LIMD1: variants seen among roughly 807,000 people sequenced by gnomAD.
The protein encoded by LIMD1 is LIM domain containing 1, also known as LIM domain-containing protein 1.
A neutral mutation model predicts 58.4 loss-of-function variants in LIMD1; 23 were observed. The ratio of observed to expected loss-of-function variants is 0.39; its 90% confidence interval spans 0.28 to 0.56. The LOEUF (loss-of-function observed/expected upper bound fraction) is 0.56. LIMD1 is among the 20% of genes least tolerant of loss of function. The pLI, the probability that LIMD1 is intolerant of heterozygous loss-of-function variation, is 0.57. For synonymous variants in LIMD1, 334 were observed against 345.5 expected, an observed-to-expected ratio of 0.97 and a Z score of 0.37; for missense variants, 838 against 855.5, an observed-to-expected ratio of 0.98 and a Z score of 0.25.
chr3:45,614,768 G>T (rs375132218), intron 1 of LIMD1, among the ~76,000 whole-genome samples: 13 of 137,516 alleles, frequency 9.5e-5, no homozygotes, highest in East Asian at 4.1e-4. Flanking sequence ...ATTCCTGGGT[G>T]TTTTTTTTTT....
rs920546841 is a variant in LIMD1, at chr3:45,683,897, G to A, written c.*6838G>A. ...TCCACCGGTAACAGGAGGAGCATTA[G>A]TCAGCCTACCACAGACTCCAACGAA... On this transcript the variant is annotated 3_prime_UTR_variant, in exon 8 of 8. Coordinates refer to ENST00000273317, the MANE Select transcript of LIMD1 (RefSeq NM_014240.3). 1 of 152,184 alleles carries A rather than the reference G, an allele frequency of 6.6e-6. No homozygotes were observed. The highest frequency in any genetic ancestry group is 2.4e-5 in the African/African-American group (1 of 41,458). 9.4% of individuals were successfully genotyped at this position (152,184 alleles called of 1,614,324 possible). A position where few individuals can be genotyped will look rare whatever the true frequency, so the allele number is the denominator to read the frequency against.
rs1244908814 is a variant in LIMD1, at chr3:45,594,912, C to T, written c.33C>T (p.Ala11=). ...AGTATGACGACCTGGGCCTGGAGGC[C>T]AGTAAATTCATCGAGGACCTGAACA... MDKYDDLGLE[A]SKFIEDLNMY... Residue 11 remains alanine, a synonymous_variant, in exon 1 of 8, where the codon GCC becomes GCT. Transcript: ENST00000273317. The T allele has an allele frequency of 2.4e-5, 38 of 1,611,890 alleles. No individual in the cohort carries two copies. Among genetic ancestry groups the T allele is most frequent in the Non-Finnish European group, 3.1e-5 (37 of 1,179,644 alleles).
At chr3:45,615,211 G>C (rs1349477814) in intron 1 of LIMD1, among the ~76,000 whole-genome samples, 1 of 152,218 alleles carries the variant, frequency 6.6e-6, no homozygotes, top group Non-Finnish European at 1.5e-5. Flanking sequence ...TTGTGGGAAA[G>C]TAACCAAATT....
chr3:45,630,532 C>A (rs1388881292), intron 1 of LIMD1, among the ~76,000 whole-genome samples: 4 of 152,138 alleles, frequency 2.6e-5, no homozygotes, highest in Non-Finnish European at 5.9e-5. Flanking sequence ...GGGTTGCCCC[C>A]CAGGGAGAGG....
chr3:45,619,945 C>T (rs116303589), intron 1 of LIMD1, among the ~76,000 whole-genome samples: 1 of 146,748 alleles, frequency 6.8e-6, no homozygotes, highest in Non-Finnish European at 1.5e-5. Context: ...TTTGAGAGAT[C>T]AGAGAATTTC....
In LIMD1 at chr3:45,594,935, A is replaced by T. The variant is rs773976950; in HGVS notation, c.56A>T (p.Asn19Ile). ...GCCAGTAAATTCATCGAGGACCTGA[A>T]CATGTATGAGGCCTCTAAGGATGGG... ...LEASKFIEDLNMYEASKDGLF... is the reference protein window; with the variant it reads ...LEASKFIEDLIMYEASKDGLF... Residue 19 changes from asparagine to isoleucine, a missense_variant, in exon 1 of 8, where the codon AAC (asparagine) becomes ATC (isoleucine). Asn to Ile is a moderately radical substitution (Grantham distance 149, BLOSUM62 -3). Transcript: ENST00000273317. 1 of 1,613,538 alleles carries T rather than the reference A, an allele frequency of 6.2e-7. No homozygotes were observed. Among genetic ancestry groups the T allele is most frequent in the Non-Finnish European group, 8.5e-7 (1 of 1,179,988 alleles).
In LIMD1 at chr3:45,595,365, C is replaced by G. The variant is rs1701334420; in HGVS notation, c.486C>G (p.Phe162Leu). Residue 162 changes from phenylalanine to leucine, a missense_variant, in exon 1 of 8, where the codon TTC becomes TTG. Coordinates refer to ENST00000273317, the MANE Select transcript of LIMD1 (RefSeq NM_014240.3). ...TGGCGACTTCTGAGATGTCTGCTTT[C>G]CACCAGCCAGGCCCCTGTGAGGATC... The part of the protein sequence containing the change: ...ESLATSEMSA[F>L]HQPGPCEDPS... 2 of 1,613,642 alleles carry G rather than the reference C, an allele frequency of 1.2e-6. No individual in the cohort carries two copies. Among genetic ancestry groups the G allele is most frequent in the African/African-American group, 1.3e-5 (1 of 74,932 alleles).
chr3:45,631,243 T>G (rs1215271507), intron 1 of LIMD1, among the ~76,000 whole-genome samples: 1 of 151,314 alleles, frequency 6.6e-6, no homozygotes, highest in Non-Finnish European at 1.5e-5. Flanking sequence ...GAAAAAAATA[T>G]CTGTGAGTCC....
chr3:45,681,290 G>A lies in LIMD1; in HGVS notation c.*4231G>A, dbSNP rs1356309341. ...ATTTCCTGGGTCTTTTCTGTGTGTG[G>A]AGTCAGCAAACTGTTTTTTGCTACC... On this transcript the variant is annotated 3_prime_UTR_variant, in exon 8 of 8. Coordinates refer to ENST00000273317, the MANE Select transcript of LIMD1 (RefSeq NM_014240.3). 1 of 152,172 alleles carries A rather than the reference G, an allele frequency of 6.6e-6. No homozygotes were observed. Among genetic ancestry groups the A allele is most frequent in the Non-Finnish European group, 1.5e-5 (1 of 68,026 alleles). The allele number at this position is 152,172 out of a possible 1,614,324, so 9.4% of individuals were successfully genotyped here.
Position 45,679,611 on chromosome 3 carries a change from T to C in LIMD1, c.*2552T>C, listed in dbSNP as rs980334631. Reference sequence around the variant, plus strand: ...TGGACTTGAGGTAAAACAAGGAGGATTGTGGCCGGATTTCAGATCCCAAAG... The same window carrying C: ...TGGACTTGAGGTAAAACAAGGAGGACTGTGGCCGGATTTCAGATCCCAAAG... On this transcript the variant is annotated 3_prime_UTR_variant, in exon 8 of 8. Transcript: ENST00000273317. The C allele has an allele frequency of 6.6e-6, 1 of 152,192 alleles. No homozygotes were observed. Among genetic ancestry groups the C allele is most frequent in the Non-Finnish European group, 1.5e-5 (1 of 68,018 alleles). 9.4% of individuals were successfully genotyped at this position (152,192 alleles called of 1,614,324 possible).
intron 4 of LIMD1, among the ~76,000 whole-genome samples, chr3:45,672,301 C>T (rs1253406465): frequency 6.6e-6 from 1 of 152,192 alleles, no homozygotes; most frequent in East Asian, 1.9e-4. Context: ...TTCTGTGGCC[C>T]TGCTTTGCAT....
At chr3:45,638,291 G>C (rs150126888) in intron 2 of LIMD1, among the ~76,000 whole-genome samples, 1 of 152,024 alleles carries the variant, frequency 6.6e-6, no homozygotes, top group Admixed American at 6.6e-5. Flanking sequence ...TATTTATTTA[G>C]TTAGTTAAAT....
intron 2 of LIMD1, among the ~76,000 whole-genome samples, chr3:45,640,093 T>C (rs61182098): frequency 0.03 from 4,606 of 152,370 alleles, 75 homozygotes; most frequent in Non-Finnish European, 0.041. Flanking sequence ...TTTCTCTTTC[T>C]TCAAATTGTG....
chr3:45,598,522 A>G (rs570224771), intron 1 of LIMD1, among the ~76,000 whole-genome samples: 104 of 152,332 alleles, frequency 6.8e-4, no homozygotes, highest in Non-Finnish European at 1.8e-4. Flanking sequence ...TTGAGCACCT[A>G]TCTTGAGGCC....
At chr3:45,637,217 T>C (rs1445302659) in intron 2 of LIMD1, among the ~76,000 whole-genome samples, 2 of 152,042 alleles carry the variant, frequency 1.3e-5, no homozygotes, top group Non-Finnish European at 2.9e-5. Context: ...TCAATCTGAT[T>C]CTGCTAATCA....
chr3:45,619,017 T>C (rs964847497), intron 1 of LIMD1, among the ~76,000 whole-genome samples: 1 of 152,212 alleles, frequency 6.6e-6, no homozygotes, highest in Non-Finnish European at 1.5e-5. Flanking sequence ...CTTTTCTTTA[T>C]GTATGCATCA....
intron 1 of LIMD1, among the ~76,000 whole-genome samples, chr3:45,622,260 C>T (rs1301746896): frequency 6.6e-6 from 1 of 152,124 alleles, no homozygotes; most frequent in Non-Finnish European, 1.5e-5. Context: ...CTGTGCACAT[C>T]TATTTTGGGG....
chr3:45,671,248 C>T (rs762049792), intron 4 of LIMD1, among the ~76,000 whole-genome samples: 8 of 152,244 alleles, frequency 5.3e-5, no homozygotes, highest in East Asian at 3.8e-4. Context: ...AATAGCACAA[C>T]GCCCTCCTCT....
chr3:45,612,710 T>G (rs960843622), intron 1 of LIMD1, among the ~76,000 whole-genome samples: 2 of 152,204 alleles, frequency 1.3e-5, no homozygotes, highest in Non-Finnish European at 2.9e-5. Flanking sequence ...ACAATTCTGA[T>G]TTTTTAAAAT....
Sources: gnomAD v4.1 joint callset for allele counts (sites outside exome capture counted in the v4.1 genomes callset) on GRCh38, gnomAD v4.1.1 for gene constraint, MANE v1.5 for transcripts, NCBI Gene and HGNC (gene_info 2026-07-23, HGNC 2026-07-21) for gene names.